The following KDM4C variants were observed in gnomAD, a reference collection of about 807,000 sequenced individuals.
KDM4C encodes the protein lysine-specific demethylase 4C.
In KDM4C, 81 loss-of-function variants were observed where a neutral mutation model predicts 129.3. The observed-to-expected ratio is 0.63, with a 90% CI of 0.52 to 0.75. KDM4C has a LOEUF of 0.75. KDM4C is among the 30% of genes least tolerant of loss of function. The pLI is 0.00. For missense variants in KDM4C, 1,457 were observed against 1,304.0 expected (o/e 1.12, Z -1.81); for synonymous variants, 573 against 456.1 (o/e 1.26, Z -3.26).
At chr9:6,994,013 T>G (rs1215602993) in intron 12 of KDM4C, among the ~76,000 whole-genome samples, 1 of 152,168 alleles carries the variant, frequency 6.6e-6, no homozygotes, top group East Asian at 1.9e-4. Context: ...AAGACAGTTT[T>G]TCCATGGATG....
At chr9:7,070,029 G>C (rs1832978753) in intron 17 of KDM4C, among the ~76,000 whole-genome samples, 1 of 152,224 alleles carries the variant, frequency 6.6e-6, no homozygotes, top group Middle Eastern at 3.4e-3. Flanking sequence ...AATAAATTTA[G>C]CTAAATCAAA....
chr9:6,809,206 G>A (rs949698570), intron 3 of KDM4C, among the ~76,000 whole-genome samples: 2 of 152,032 alleles, frequency 1.3e-5, no homozygotes, highest in Non-Finnish European at 2.9e-5. Context: ...TTTTGGGTTG[G>A]TATTAATAGA....
At chr9:6,846,879 C>T (rs948823055) in intron 4 of KDM4C, among the ~76,000 whole-genome samples, 5 of 152,070 alleles carry the variant, frequency 3.3e-5, no homozygotes, top group African/African-American at 9.6e-5. Context: ...TTTAGTGCTC[C>T]GAGCAACTCT....
In KDM4C at chr9:7,011,852, C is replaced by T; in HGVS notation, c.1941C>T (p.Ile647=). 1 of 1,613,846 alleles carries T rather than the reference C, an allele frequency of 6.2e-7. No homozygotes were observed. Among genetic ancestry groups the T allele is most frequent in the Non-Finnish European group, 8.5e-7 (1 of 1,179,940 alleles). The change falls in exon 13 of 22, where the codon ATC becomes ATT. Residue 647 remains isoleucine, a synonymous_variant. Transcript: ENST00000381309. ...TVARMKPHCA[I]CTLLMPYHKP... ...CCAGGATGAAGCCACACTGTGCCAT[C>T]TGCACTCTGCTCATGCCGTACCACA...
chr9:6,849,127 C>T (rs575578352), intron 4 of KDM4C, among the ~76,000 whole-genome samples: 74 of 152,248 alleles, frequency 4.9e-4, no homozygotes, highest in Middle Eastern at 3.4e-3. Flanking sequence ...ACCCAAATCT[C>T]AAAACCCCAA....
At chr9:7,161,451 T>G (rs1843782524) in intron 19 of KDM4C, among the ~76,000 whole-genome samples, 5 of 152,218 alleles carry the variant, frequency 3.3e-5, no homozygotes, top group African/African-American at 1.2e-4. Context: ...TGTTCCTATT[T>G]GGCCATCTTC....
chr9:7,108,774 C>G (rs1417927844), intron 18 of KDM4C, among the ~76,000 whole-genome samples: 1 of 152,128 alleles, frequency 6.6e-6, no homozygotes, highest in African/African-American at 2.4e-5. Flanking sequence ...ACATTCTAGG[C>G]CTCAACAATG....
At chr9:6,737,005 C>A (rs371046203) in intron 1 of KDM4C, among the ~76,000 whole-genome samples, 1 of 135,882 alleles carries the variant, frequency 7.4e-6, no homozygotes, top group African/African-American at 2.8e-5. Context: ...GAGCCAAGAT[C>A]ACACCACTAC....
chr9:6,966,225 C>T (rs1178158332), intron 8 of KDM4C, among the ~76,000 whole-genome samples: 1 of 152,120 alleles, frequency 6.6e-6, no homozygotes, highest in Non-Finnish European at 1.5e-5. Flanking sequence ...CTCTGTCTCC[C>T]AGGCTGGAGT....
chr9:7,138,605 A>G (rs1361031743), intron 19 of KDM4C, among the ~76,000 whole-genome samples: 1 of 152,132 alleles, frequency 6.6e-6, no homozygotes, highest in Non-Finnish European at 1.5e-5. Context: ...ATTTGAGTCC[A>G]GGAGTTTGAG....
intron 18 of KDM4C, among the ~76,000 whole-genome samples, chr9:7,112,133 G>T (rs546024997): frequency 1.3e-5 from 2 of 152,248 alleles, no homozygotes; most frequent in African/African-American, 4.8e-5. Flanking sequence ...GTTCCTCAAA[G>T]TAGGGAAGAT....
chr9:6,848,805 A>G (rs542706204), intron 4 of KDM4C, among the ~76,000 whole-genome samples: 1 of 152,344 alleles, frequency 6.6e-6, no homozygotes, highest in Non-Finnish European at 1.5e-5. Flanking sequence ...ATAAAACTAC[A>G]TTATTCCAGC....
At chr9:6,831,202 A>G (rs1834756548) in intron 4 of KDM4C, among the ~76,000 whole-genome samples, 1 of 152,154 alleles carries the variant, frequency 6.6e-6, no homozygotes, top group South Asian at 2.1e-4. Context: ...TGCTGCCAGT[A>G]ATAAAGACCT....
intron 18 of KDM4C, chr9:7,105,384 T>A (rs1837563840): frequency 2.1e-6 from 1 of 465,542 alleles, no homozygotes; most frequent in African/African-American, 2.0e-5. Context: ...GTATCCCACC[T>A]CACCATGTTG....
intron 3 of KDM4C, among the ~76,000 whole-genome samples, chr9:6,809,843 C>T (rs1385247294): frequency 1.3e-5 from 2 of 151,992 alleles, no homozygotes; most frequent in Non-Finnish European, 2.9e-5. Flanking sequence ...ACAATAAATA[C>T]AAAAATTAGC....
Position 7,078,088 on chromosome 9 carries a change from C to CATTT in KDM4C, c.2425-25584_2425-25581dup, listed in dbSNP as rs549494910. Among the ~76,000 whole-genome samples the CATTT allele has an allele frequency of 4.6e-5, 7 of 152,178 alleles. 1 individual carries two copies. The highest frequency in any genetic ancestry group is 4.6e-4 in the Admixed American group (7 of 15,288). On this transcript the variant is annotated intron_variant, in intron 17 of 21. Coordinates refer to ENST00000381309, the MANE Select transcript of KDM4C (RefSeq NM_015061.6). ...AGACAAATTATATCCAGAATGTTCC[C>CATTT]ATTTATTTATTTATTTTTTAATGCA... is the stretch of plus-strand genomic sequence containing the variant.
At chr9:6,744,902 G>A (rs181368108) in intron 1 of KDM4C, among the ~76,000 whole-genome samples, 12 of 152,220 alleles carry the variant, frequency 7.9e-5, no homozygotes, top group African/African-American at 2.6e-4. Flanking sequence ...AGAGCTAGGT[G>A]GGGCTAATAC....
intron 17 of KDM4C, among the ~76,000 whole-genome samples, chr9:7,083,585 A>G (rs1028521537): frequency 2.0e-5 from 3 of 152,228 alleles, no homozygotes; most frequent in Non-Finnish European, 2.9e-5. Context: ...TTATAACACA[A>G]TGCTAAGTAC....
intron 5 of KDM4C, among the ~76,000 whole-genome samples, chr9:6,850,734 T>A (rs1838688923): frequency 1.3e-5 from 2 of 149,666 alleles, no homozygotes; most frequent in South Asian, 4.2e-4. Flanking sequence ...ACCCAGCCAA[T>A]GTATTTTTTA....
Sources: allele counts gnomAD v4.1 joint callset (sites outside exome capture counted in the v4.1 genomes callset), GRCh38; gene constraint gnomAD v4.1.1; transcripts MANE v1.5; gene names NCBI Gene and HGNC (gene_info 2026-07-23, HGNC 2026-07-21).